WWOX: variants seen among roughly 807,000 people sequenced by gnomAD.
WWOX encodes the protein WW domain-containing oxidoreductase.
WWOX carries 69 observed loss-of-function variants against 46.2 expected under a neutral mutation model. That is an observed-to-expected ratio of 1.49 (90% CI 1.23 to 1.82). The LOEUF is 1.82. Ranked by LOEUF, WWOX falls within the 40% of genes most tolerant of loss-of-function variation. The pLI, the probability that WWOX is intolerant of heterozygous loss-of-function variation, is 0.00. For missense variants in WWOX, 919 were observed against 542.6 expected, an observed-to-expected ratio of 1.69 and a Z score of -6.89; for synonymous variants, 359 against 202.6, an observed-to-expected ratio of 1.77 and a Z score of -6.56.
At chr16:78,767,825 C>G (rs935454446) in intron 8 of WWOX, among the ~76,000 whole-genome samples, 2 of 152,138 alleles carry the variant, frequency 1.3e-5, no homozygotes, top group African/African-American at 4.8e-5. Context: ...CGTACTTTCA[C>G]GTGCCTACTG....
chr16:78,876,747 A>G (rs979677925), intron 8 of WWOX, among the ~76,000 whole-genome samples: 77 of 152,328 alleles, frequency 5.1e-4, no homozygotes, highest in African/African-American at 1.7e-3. Flanking sequence ...AAAATTAACT[A>G]AAAGAAGATT....
At chr16:78,581,288 A>G (rs1430002556) in intron 8 of WWOX, among the ~76,000 whole-genome samples, 1 of 152,240 alleles carries the variant, frequency 6.6e-6, no homozygotes, top group Admixed American at 6.5e-5. Flanking sequence ...TATTGTATTC[A>G]TTGGGCTGGA....
chr16:78,189,207 G>T (rs1039760922), intron 5 of WWOX, among the ~76,000 whole-genome samples: 1 of 152,192 alleles, frequency 6.6e-6, no homozygotes, highest in African/African-American at 2.4e-5. Flanking sequence ...CAGAGGTGGC[G>T]TGGGCATGGG....
intron 8 of WWOX, among the ~76,000 whole-genome samples, chr16:78,592,691 C>T (rs2045379682): frequency 6.6e-6 from 1 of 152,202 alleles, no homozygotes; most frequent in South Asian, 2.1e-4. Flanking sequence ...CATTTCGCTG[C>T]TGCTAACAAG....
Position 78,788,982 on chromosome 16 carries a change from T to G in WWOX, c.1056+356230T>G, listed in dbSNP as rs991886795. Among the ~76,000 whole-genome samples the G allele has an allele frequency of 5.3e-5, 8 of 152,356 alleles. No individual in the cohort carries two copies. The East Asian group carries it at 1.4e-3, about 26-fold the overall frequency. Reference sequence around the variant, plus strand: ...GGAAACTAGACCCTTATCATATAAATGATTTGCAAACATTTTCTCTCATTC... The same window carrying G: ...GGAAACTAGACCCTTATCATATAAAGGATTTGCAAACATTTTCTCTCATTC... On this transcript the variant is annotated intron_variant, in intron 8 of 8. Transcript: ENST00000566780.
rs116588858 is a variant in WWOX, at chr16:78,745,272, G to A, written c.1056+312520G>A. On this transcript the variant is annotated intron_variant, in intron 8 of 8. Transcript: ENST00000566780. ...TGATTACATTTGAATCTTTCAGCAA[G>A]CTTTTGGCTGAGCTGGGCATCTTCC... 9.7e-3 allele frequency among the ~76,000 whole-genome samples: 1,470 copies of A among 152,280 alleles called. 21 individuals are homozygous for A. The highest frequency in any genetic ancestry group is 0.033 in the African/African-American group (1,387 of 41,548).
chr16:78,226,861 A>T (rs375439450), intron 5 of WWOX, among the ~76,000 whole-genome samples: 1 of 152,202 alleles, frequency 6.6e-6, no homozygotes, highest in Non-Finnish European at 1.5e-5. Flanking sequence ...TTTCATCCAG[A>T]TAGATTCATA....
chr16:78,122,686 C>G (rs1298738706), intron 4 of WWOX, among the ~76,000 whole-genome samples: 2 of 151,422 alleles, frequency 1.3e-5, no homozygotes, highest in Admixed American at 6.6e-5. Flanking sequence ...CTCACTGCAA[C>G]CTCCGCCTCC....
Position 78,388,645 on chromosome 16 carries a change from C to CA in WWOX, c.605+1729dup, listed in dbSNP as rs59881601. Among the ~76,000 whole-genome samples, 298 of 53,052 alleles carry CA rather than the reference C, an allele frequency of 5.6e-3. 6 individuals carry two copies. The highest frequency in any genetic ancestry group is 0.017 in the East Asian group (27 of 1,610). The allele number at this position is 53,052 out of a possible 152,430, so 34.8% of individuals were successfully genotyped here. ...CTGGCGACAGATTGAGACTCCGTCT[C>CA]AAAAAAAAAAAAAAAAAAAAAAAAA... On this transcript the variant is annotated intron_variant, in intron 6 of 8. Transcript: ENST00000566780.
chr16:79,008,046 C>T (rs909060358), intron 8 of WWOX, among the ~76,000 whole-genome samples: 2 of 152,202 alleles, frequency 1.3e-5, no homozygotes, highest in African/African-American at 4.8e-5. Flanking sequence ...CTCAGGGTCT[C>T]ATGAGGCTGA....
intron 5 of WWOX, among the ~76,000 whole-genome samples, chr16:78,342,048 C>G (rs2151900371): frequency 8.3e-6 from 1 of 120,808 alleles, no homozygotes; most frequent in South Asian, 2.5e-4. Flanking sequence ...CCTGGGAGAT[C>G]AAGGCTACAG....
intron 8 of WWOX, among the ~76,000 whole-genome samples, chr16:78,743,866 C>T (rs759171445): frequency 6.6e-6 from 1 of 152,192 alleles, no homozygotes; most frequent in Non-Finnish European, 1.5e-5. Context: ...TGGGAGACCT[C>T]TATAGGGTAT....
chr16:78,519,965 A>G (rs907192749), intron 8 of WWOX, among the ~76,000 whole-genome samples: 2 of 152,228 alleles, frequency 1.3e-5, no homozygotes, highest in African/African-American at 4.8e-5. Flanking sequence ...AAAACATGGA[A>G]TCATTCTACG....
At chr16:78,396,313 AAGTT>A (rs1026597068) in intron 6 of WWOX, among the ~76,000 whole-genome samples, 25 of 152,194 alleles carry the variant, frequency 1.6e-4, no homozygotes, top group African/African-American at 4.8e-5. Context: ...GGAAAAAAAA[AAGTT>A]AGTGAGCCTT....
At chr16:78,153,280 G>T (rs971847917) in intron 4 of WWOX, among the ~76,000 whole-genome samples, 1 of 152,190 alleles carries the variant, frequency 6.6e-6, no homozygotes, top group Non-Finnish European at 1.5e-5. Flanking sequence ...GGAAATGCCT[G>T]TGGGGGAGTT....
At chr16:78,892,482 T>C (rs1033383442) in intron 8 of WWOX, among the ~76,000 whole-genome samples, 1 of 152,154 alleles carries the variant, frequency 6.6e-6, no homozygotes, top group Non-Finnish European at 1.5e-5. Context: ...ACGGTGGTCA[T>C]GGACAGGTCA....
intron 8 of WWOX, among the ~76,000 whole-genome samples, chr16:79,115,123 G>A (rs974212824): frequency 6.6e-6 from 1 of 152,190 alleles, no homozygotes; most frequent in South Asian, 2.1e-4. Flanking sequence ...GTGCTGCCAC[G>A]TGGATTTAAC....
At position 78,971,448 on chromosome 16, in the gene WWOX, C is replaced by CAAA. The variant is rs71140852; in HGVS notation, c.1057-240136_1057-240134dup. ...CCAGTCTGGGTGACAGACTCTGTGT[C>CAAA]AAAAAAAAAAAAAAAAAAAAAAAAA... On this transcript the variant is annotated intron_variant, in intron 8 of 8. Transcript: ENST00000566780. Among the ~76,000 whole-genome samples, 245 of 111,848 alleles carry CAAA rather than the reference C, an allele frequency of 2.2e-3. 8 individuals carry two copies. Among genetic ancestry groups the CAAA allele is most frequent in the African/African-American group, 7.7e-3 (224 of 29,278 alleles). 73.4% of individuals were successfully genotyped at this position (111,848 alleles called of 152,430 possible).
chr16:78,768,279 TAAAA>T (rs56280651), intron 8 of WWOX, among the ~76,000 whole-genome samples: 7 of 91,960 alleles, frequency 7.6e-5, no homozygotes, highest in African/African-American at 1.2e-4. Context: ...ATAGATGAGT[TAAAA>T]AAAAAAAAAA....
Sources: gnomAD v4.1 joint callset for allele counts (sites outside exome capture counted in the v4.1 genomes callset) on GRCh38, gnomAD v4.1.1 for gene constraint, MANE v1.5 for transcripts, NCBI Gene and HGNC (gene_info 2026-07-23, HGNC 2026-07-21) for gene names.